The following ZSWIM6 variants were observed in gnomAD, a reference collection of about 807,000 sequenced individuals.
The protein encoded by ZSWIM6 is zinc finger SWIM domain-containing protein 6.
Under a neutral mutation model 113.2 loss-of-function variants are expected in ZSWIM6, and 9 were observed. The ratio of observed to expected loss-of-function variants is 0.08; its 90% CI spans 0.05 to 0.14. ZSWIM6 has a LOEUF of 0.14. Among genes scored for constraint, ZSWIM6 ranks in the 10% least tolerant of loss-of-function variants. The pLI is 1.00. For missense variants in ZSWIM6, 1,162 were observed against 1,552.2 expected (o/e 0.75, Z 4.22); for synonymous variants, 611 against 606.5 (o/e 1.01, Z -0.11).
intron 1 of ZSWIM6, among the ~76,000 whole-genome samples, chr5:61,470,438 A>G (rs1369309340): frequency 6.6e-6 from 1 of 152,148 alleles, no homozygotes; most frequent in East Asian, 1.9e-4. Context: ...CTGTCCCATG[A>G]GTTTTTAATT....
intron 1 of ZSWIM6, among the ~76,000 whole-genome samples, chr5:61,341,873 C>CTTTTTTTT (rs35227918): frequency 8.4e-5 from 8 of 94,694 alleles, no homozygotes; most frequent in Admixed American, 2.6e-4. Flanking sequence ...TCTCTGTAAC[C>CTTTTTTTT]TTTTTTTTTT....
chr5:61,392,424 A>G (rs1001864450), intron 1 of ZSWIM6, among the ~76,000 whole-genome samples: 1 of 152,218 alleles, frequency 6.6e-6, no homozygotes, highest in Non-Finnish European at 1.5e-5. Flanking sequence ...GAATTCAGAC[A>G]ACACAGAAAA....
intron 1 of ZSWIM6, among the ~76,000 whole-genome samples, chr5:61,376,503 G>C (rs1293791180): frequency 7.2e-6 from 1 of 137,932 alleles, no homozygotes; most frequent in Non-Finnish European, 1.6e-5. Flanking sequence ...TTTGGATGCT[G>C]TCATATGCTG....
At chr5:61,468,584 A>G (rs1561249828) in intron 1 of ZSWIM6, among the ~76,000 whole-genome samples, 1 of 152,238 alleles carries the variant, frequency 6.6e-6, no homozygotes, top group African/African-American at 2.4e-5. Flanking sequence ...ACAGCTGGTC[A>G]TCATAGTTTG....
chr5:61,492,535 A>G (rs1327422496), intron 3 of ZSWIM6, among the ~76,000 whole-genome samples: 6 of 152,076 alleles, frequency 3.9e-5, no homozygotes, highest in Admixed American at 6.6e-5. Context: ...AATCTGGCCT[A>G]TTTTACATGG....
chr5:61,476,419 T>C (rs1190287468), intron 2 of ZSWIM6, among the ~76,000 whole-genome samples: 2 of 152,168 alleles, frequency 1.3e-5, no homozygotes, highest in Non-Finnish European at 2.9e-5. Context: ...TAGTTTGTCA[T>C]CATAATAGTT....
At chr5:61,471,106 T>C (rs1045474500) in intron 1 of ZSWIM6, among the ~76,000 whole-genome samples, 1 of 152,196 alleles carries the variant, frequency 6.6e-6, no homozygotes, top group African/African-American at 2.4e-5. Flanking sequence ...GAAGAAACAG[T>C]GGCTAGCTAG....
intron 1 of ZSWIM6, among the ~76,000 whole-genome samples, chr5:61,413,853 C>T (rs1166819899): frequency 1.3e-5 from 2 of 149,990 alleles, no homozygotes; most frequent in East Asian, 3.9e-4. Context: ...ATCCTTTGCC[C>T]ACTTTTTGAT....
intron 1 of ZSWIM6, among the ~76,000 whole-genome samples, chr5:61,462,269 A>G (rs1440096905): frequency 6.6e-6 from 1 of 152,242 alleles, no homozygotes; most frequent in Non-Finnish European, 1.5e-5. Flanking sequence ...AGCTGTAGAA[A>G]ATAATTTTAT....
At chr5:61,512,471 G>A (rs2112246949) in intron 4 of ZSWIM6, among the ~76,000 whole-genome samples, 1 of 151,978 alleles carries the variant, frequency 6.6e-6, no homozygotes, top group Middle Eastern at 3.4e-3. Context: ...ATTTCTCTTG[G>A]GCAAATCCCT....
intron 1 of ZSWIM6, among the ~76,000 whole-genome samples, chr5:61,420,986 C>G (rs1746344564): frequency 6.6e-6 from 1 of 150,792 alleles, no homozygotes; most frequent in South Asian, 2.1e-4. Flanking sequence ...GTGGTGGGGT[C>G]TTGGATCACT....
At position 61,332,821 on chromosome 5, in the gene ZSWIM6, C is replaced by G; in HGVS notation, c.549C>G (p.Ala183=). ...AAAAAAAAAA[A]AGAGAPSVGA... is the part of the protein sequence containing the mutation. ...CCGCCGCCGCCGCCGCCGCCGCCGC[C>G]GCGGGGGCCGGGGCCCCGTCGGTGG... Residue 183 remains alanine, a synonymous_variant, in exon 1 of 14, where the codon GCC becomes GCG. Coordinates refer to ENST00000252744, the MANE Select transcript of ZSWIM6 (RefSeq NM_020928.2). 3.1e-6 allele frequency: 3 copies of G among 955,878 alleles called. No individual in the cohort carries two copies. The highest frequency in any genetic ancestry group is 2.5e-6 in the Non-Finnish European group (2 of 807,752). The allele number at this position is 955,878 out of a possible 1,614,324, so 59.2% of individuals were successfully genotyped here. A position where few individuals can be genotyped will look rare whatever the true frequency, so the allele number is the denominator to read the frequency against.
At position 61,332,514 on chromosome 5, in the gene ZSWIM6, C is replaced by T. The variant is rs1310313047; in HGVS notation, c.242C>T (p.Ala81Val). 1.5e-6 allele frequency: 2 copies of T among 1,320,244 alleles called. No individual in the cohort carries two copies. The highest frequency in any genetic ancestry group is 2.0e-6 in the Non-Finnish European group (2 of 1,006,346). The allele number at this position is 1,320,244 out of a possible 1,614,324, so 81.8% of individuals were successfully genotyped here. ...TQSPESLLDI[A>V]ARRVAEKWPF... ...AGCCCCGAGTCGCTGCTGGACATCG[C>T]GGCGCGCAGGGTGGCGGAGAAGTGG... Residue 81 changes from alanine (A) to valine (V), a missense_variant, in exon 1 of 14, where the codon GCG (alanine) becomes GTG (valine). Ala to Val is a moderately conservative substitution (Grantham distance 64). This residue lies in a region of ZSWIM6 where 333 missense variants were observed against 293.4 expected (regional missense o/e 1.13). Coordinates refer to ENST00000252744, the MANE Select transcript of ZSWIM6 (RefSeq NM_020928.2).
chr5:61,463,687 C>G (rs1328377757), intron 1 of ZSWIM6, among the ~76,000 whole-genome samples: 1 of 152,166 alleles, frequency 6.6e-6, no homozygotes. Context: ...TCTGAGCTTC[C>G]CGTTTAGCTT....
At chr5:61,377,048 G>T (rs1353859944) in intron 1 of ZSWIM6, among the ~76,000 whole-genome samples, 1 of 151,990 alleles carries the variant, frequency 6.6e-6, no homozygotes, top group Non-Finnish European at 1.5e-5. Context: ...GATATTAAAG[G>T]ATAGTAAGCT....
intron 1 of ZSWIM6, among the ~76,000 whole-genome samples, chr5:61,357,680 AT>A (rs1744943733): frequency 6.6e-6 from 1 of 151,980 alleles, no homozygotes; most frequent in African/African-American, 2.4e-5. Context: ...TCATGTAGTA[AT>A]TACAGTTTAA....
chr5:61,502,051 C>T (rs570123009), intron 4 of ZSWIM6, among the ~76,000 whole-genome samples: 10 of 152,076 alleles, frequency 6.6e-5, no homozygotes, highest in Admixed American at 3.9e-4. Flanking sequence ...AGGGGGAGAG[C>T]GAGAGTGAAA....
intron 1 of ZSWIM6, among the ~76,000 whole-genome samples, chr5:61,418,390 C>T (rs1746295543): frequency 6.6e-6 from 1 of 151,988 alleles, no homozygotes; most frequent in African/African-American, 2.4e-5. Context: ...GCCTCAGCGT[C>T]CGAAGTAGTT....
At chr5:61,386,896 G>T (rs1399214840) in intron 1 of ZSWIM6, among the ~76,000 whole-genome samples, 1 of 152,072 alleles carries the variant, frequency 6.6e-6, no homozygotes, top group African/African-American at 2.4e-5. Flanking sequence ...TATTTTTGAG[G>T]CTCTTTATCC....
Sources: gnomAD v4.1 joint callset for allele counts (sites outside exome capture counted in the v4.1 genomes callset) on GRCh38, gnomAD v4.1.1 for gene constraint, gnomAD v4.1.1 regional missense constraint, MANE v1.5 for transcripts, NCBI Gene and HGNC (gene_info 2026-07-23, HGNC 2026-07-21) for gene names.